Variants in UBAC2 observed in about 807,000 individuals in gnomAD.
UBAC2 encodes ubiquitin-associated domain-containing protein 2.
A neutral mutation model predicts 44.0 loss-of-function variants in UBAC2; 26 were observed. That is an observed-to-expected ratio of 0.59 (90% confidence interval 0.43 to 0.82). UBAC2 has a LOEUF of 0.82. Ranked by LOEUF, UBAC2 falls within the 40% of genes least tolerant of loss-of-function variation. The pLI, the probability that UBAC2 is intolerant of heterozygous loss-of-function variation, is 0.00. For synonymous variants in UBAC2, 155 were observed against 154.3 expected (o/e 1.00, Z -0.04); for missense variants, 329 against 419.4 (o/e 0.78, Z 1.88).
chr13:99,243,233 CTTTTTTTT>C (rs773750160), intron 2 of UBAC2, among the ~76,000 whole-genome samples: 56 of 94,264 alleles, frequency 5.9e-4, no homozygotes, highest in African/African-American at 2.1e-3. Context: ...TTGAGTAGCT[CTTTTTTTT>C]TTTTTTTTTT....
intron 4 of UBAC2, among the ~76,000 whole-genome samples, chr13:99,292,039 A>G (rs2044095094): frequency 6.6e-6 from 1 of 152,168 alleles, no homozygotes; most frequent in Non-Finnish European, 1.5e-5. Flanking sequence ...GCATGTAATA[A>G]AGCAGTCGAG....
At chr13:99,357,163 C>T (rs2045198144) in intron 7 of UBAC2, among the ~76,000 whole-genome samples, 1 of 152,188 alleles carries the variant, frequency 6.6e-6, no homozygotes, top group African/African-American at 2.4e-5. Context: ...TTACAGCTGC[C>T]TCCAGTATTC....
At chr13:99,268,469 G>A (rs1308160949) in intron 4 of UBAC2, among the ~76,000 whole-genome samples, 2 of 151,858 alleles carry the variant, frequency 1.3e-5, no homozygotes, top group African/African-American at 2.4e-5. Context: ...TTAGCCAGGC[G>A]TGGTGGCATG....
At position 99,384,548 on chromosome 13, in the gene UBAC2, T is replaced by A. The variant is rs529392147; in HGVS notation, c.928-680T>A. ...TGTTCCTCCCTGCTTCTGGTGGCTT[T>A]CACTGCCTCCTTCCTCAGTTGCTGC... is the stretch of plus-strand genomic sequence containing the variant. On this transcript the variant is annotated intron_variant, in intron 8 of 8. Coordinates refer to ENST00000403766, the MANE Select transcript of UBAC2 (RefSeq NM_001144072.2). 2.2e-3 allele frequency among the ~76,000 whole-genome samples: 330 copies of A among 152,316 alleles called. 3 individuals carry two copies. Among genetic ancestry groups the A allele is most frequent in the South Asian group, 9.5e-3 (46 of 4,824 alleles).
intron 1 of UBAC2, 57 bp from the exon 2 acceptor site, chr13:99,238,370 T>C: frequency 6.4e-7 from 1 of 1,570,222 alleles, no homozygotes; most frequent in Non-Finnish European, 8.7e-7. Context: ...TTCACGCATG[T>C]GGTTTTTTAA....
At chr13:99,333,474 G>T (rs2044745303) in intron 6 of UBAC2, among the ~76,000 whole-genome samples, 1 of 152,192 alleles carries the variant, frequency 6.6e-6, no homozygotes, top group African/African-American at 2.4e-5. Flanking sequence ...TTTTTGTGGA[G>T]CATTTGTTAA....
intron 4 of UBAC2, among the ~76,000 whole-genome samples, chr13:99,308,364 C>T (rs1432586745): frequency 2.0e-5 from 3 of 152,150 alleles, no homozygotes; most frequent in Admixed American, 6.5e-5. Flanking sequence ...TATCCTTATG[C>T]TTGTGGAAAC....
At chr13:99,357,675 G>C (rs2045206954) in intron 7 of UBAC2, among the ~76,000 whole-genome samples, 1 of 152,190 alleles carries the variant, frequency 6.6e-6, no homozygotes. Context: ...GTAACTCCTG[G>C]TTCTTGTATT....
At chr13:99,371,421 G>A (rs1013471462) in intron 8 of UBAC2, among the ~76,000 whole-genome samples, 2 of 152,108 alleles carry the variant, frequency 1.3e-5, no homozygotes, top group East Asian at 3.9e-4. Flanking sequence ...GTTCTTACTG[G>A]CATTATTCAT....
intron 1 of UBAC2, among the ~76,000 whole-genome samples, chr13:99,203,168 C>G (rs2042827236): frequency 6.6e-6 from 1 of 152,062 alleles, no homozygotes; most frequent in Non-Finnish European, 1.5e-5. Context: ...TCCCAAGTAG[C>G]TGGGATTACA....
In UBAC2 at chr13:99,368,668, T is replaced by A. The variant is rs1266695764; in HGVS notation, c.927+762T>A. ...TGGGGTTGGAAAGGAATTATCACTA[T>A]CATCGTAAACTCATGAGAGAGTGTG... On this transcript the variant is annotated intron_variant, in intron 8 of 8. Transcript: ENST00000403766. Among the ~76,000 whole-genome samples the A allele has an allele frequency of 2.0e-5, 3 of 150,384 alleles. No individual in the cohort carries two copies. The East Asian group carries it at 5.9e-4, about 29-fold the overall frequency.
intron 4 of UBAC2, among the ~76,000 whole-genome samples, chr13:99,312,004 C>T (rs530487017): frequency 6.6e-6 from 1 of 152,380 alleles, no homozygotes; most frequent in African/African-American, 2.4e-5. Flanking sequence ...CCAGTCCTGA[C>T]ACAGTGCCTG....
chr13:99,259,740 C>T (rs1175978314), intron 4 of UBAC2, among the ~76,000 whole-genome samples: 1 of 152,252 alleles, frequency 6.6e-6, no homozygotes, highest in African/African-American at 2.4e-5. Flanking sequence ...CAGACCTAAT[C>T]TGTCCTTTGC....
chr13:99,329,994 A>G (rs1309661355), intron 6 of UBAC2, among the ~76,000 whole-genome samples: 1 of 152,240 alleles, frequency 6.6e-6, no homozygotes, highest in African/African-American at 2.4e-5. Context: ...ATAAGTCTCT[A>G]CGTTTATTTA....
At chr13:99,215,777 TCAAG>T in intron 1 of UBAC2, 1 of 1,021,282 alleles carries the variant, frequency 9.8e-7, no homozygotes, top group Non-Finnish European at 1.4e-6. Context: ...CTGCTGAAGC[TCAAG>T]CAAGGCAGAG....
chr13:99,257,967 A>G (rs565315641), intron 4 of UBAC2, among the ~76,000 whole-genome samples: 6 of 152,374 alleles, frequency 3.9e-5, no homozygotes, highest in African/African-American at 1.4e-4. Flanking sequence ...TTTTTAATAG[A>G]GACGGGGTCT....
intron 6 of UBAC2, among the ~76,000 whole-genome samples, chr13:99,328,026 C>A (rs551864052): frequency 6.6e-6 from 1 of 152,104 alleles, no homozygotes; most frequent in Non-Finnish European, 1.5e-5. Context: ...AGCTGCCAGC[C>A]GCAGGTAACC....
At chr13:99,228,451 G>A (rs1036901867) in intron 1 of UBAC2, among the ~76,000 whole-genome samples, 2 of 151,056 alleles carry the variant, frequency 1.3e-5, no homozygotes, top group African/African-American at 2.4e-5. Context: ...ACCCCACCAC[G>A]CCCGGCTAAT....
intron 4 of UBAC2, among the ~76,000 whole-genome samples, chr13:99,269,903 A>G (rs2043794972): frequency 6.6e-6 from 1 of 152,236 alleles, no homozygotes; most frequent in East Asian, 1.9e-4. Context: ...ATGGTGAAAC[A>G]TTTTTGTAAT....
Sources: allele counts gnomAD v4.1 joint callset (sites outside exome capture counted in the v4.1 genomes callset), GRCh38; gene constraint gnomAD v4.1.1; transcripts MANE v1.5; gene names NCBI Gene and HGNC (gene_info 2026-07-23, HGNC 2026-07-21).